The following FGF14 variants were observed in gnomAD, a reference collection of about 807,000 sequenced individuals.
FGF14 encodes the protein fibroblast growth factor 14.
Under a neutral mutation model 25.5 loss-of-function variants are expected in FGF14, and 5 were observed. The observed-to-expected ratio is 0.20, with a 90% CI of 0.10 to 0.41. The LOEUF (loss-of-function observed/expected upper bound fraction) is 0.41. Among genes scored for constraint, FGF14 ranks in the 10% least tolerant of loss-of-function variants. The pLI, the probability that FGF14 is intolerant of heterozygous loss-of-function variation, is 1.00. For synonymous variants in FGF14, 138 were observed against 118.3 expected (o/e 1.17, Z -1.08); for missense variants, 222 against 320.1 (o/e 0.69, Z 2.34).
intron 1 of FGF14, among the ~76,000 whole-genome samples, chr13:102,276,538 T>C (rs1275274486): frequency 6.6e-6 from 1 of 151,862 alleles, no homozygotes; most frequent in East Asian, 1.9e-4. Context: ...TCTGAAAAGA[T>C]TGTTTGTTCA....
intron 3 of FGF14, among the ~76,000 whole-genome samples, chr13:101,806,423 G>GA (rs145519828): frequency 2.1e-3 from 127 of 60,394 alleles, no homozygotes; most frequent in Admixed American, 2.9e-3. Context: ...CGTCTAAGAA[G>GA]AAAAAAAAAA....
intron 1 of FGF14, among the ~76,000 whole-genome samples, chr13:102,051,426 T>C (rs768287016): frequency 1.6e-4 from 25 of 152,068 alleles, no homozygotes; most frequent in Non-Finnish European, 2.9e-4. Flanking sequence ...AGGCCTCAGA[T>C]CCACAGGCAC....
intron 3 of FGF14, among the ~76,000 whole-genome samples, chr13:101,806,754 T>C (rs1021310317): frequency 6.6e-6 from 1 of 152,130 alleles, no homozygotes; most frequent in Non-Finnish European, 1.5e-5. Context: ...GGATTTTTCT[T>C]TCTAACATTA....
intron 3 of FGF14, among the ~76,000 whole-genome samples, chr13:101,740,319 G>A (rs2036465231): frequency 6.6e-6 from 1 of 152,158 alleles, no homozygotes; most frequent in South Asian, 2.1e-4. Flanking sequence ...GCAGGAACAT[G>A]TCACACTCAG....
At chr13:101,987,808 T>C (rs907898174) in intron 1 of FGF14, among the ~76,000 whole-genome samples, 131 of 152,164 alleles carry the variant, frequency 8.6e-4, no homozygotes, top group African/African-American at 2.7e-3. Flanking sequence ...GGAAAATTCA[T>C]AGTAGACATC....
At chr13:101,915,675 C>T (rs1277166017) in intron 1 of FGF14, among the ~76,000 whole-genome samples, 2 of 152,202 alleles carry the variant, frequency 1.3e-5, no homozygotes, top group African/African-American at 4.8e-5. Context: ...AGTAAGGTAA[C>T]TATTCTAGTC....
At chr13:102,165,623 C>T (rs1365663007) in intron 1 of FGF14, among the ~76,000 whole-genome samples, 2 of 116,886 alleles carry the variant, frequency 1.7e-5, no homozygotes, top group East Asian at 2.6e-4. Context: ...AATGAGAACA[C>T]GTGGACACAG....
chr13:102,107,631 G>C (rs1296367204), intron 1 of FGF14, among the ~76,000 whole-genome samples: 1 of 152,232 alleles, frequency 6.6e-6, no homozygotes, highest in African/African-American at 2.4e-5. Flanking sequence ...AAAGAGAGAT[G>C]TAACTGGTCA....
chr13:101,819,591 G>A (rs1457744497), intron 3 of FGF14, among the ~76,000 whole-genome samples: 4 of 152,216 alleles, frequency 2.6e-5, no homozygotes. Context: ...ATTTGAGGAT[G>A]TGAAATTGAA....
At chr13:102,104,523 C>T (rs1277377311) in intron 1 of FGF14, among the ~76,000 whole-genome samples, 2 of 152,156 alleles carry the variant, frequency 1.3e-5, no homozygotes, top group Admixed American at 1.3e-4. Flanking sequence ...TGCCTGTAAT[C>T]CCAAAACCTT....
intron 1 of FGF14, among the ~76,000 whole-genome samples, chr13:101,890,242 T>C (rs1162685800): frequency 3.9e-5 from 6 of 152,184 alleles, no homozygotes; most frequent in Admixed American, 3.9e-4. Context: ...CTGAGGAGGT[T>C]TGGGTGCTTT....
At chr13:101,910,203 C>T (rs1007045777) in intron 1 of FGF14, among the ~76,000 whole-genome samples, 6 of 151,906 alleles carry the variant, frequency 3.9e-5, no homozygotes, top group Non-Finnish European at 7.4e-5. Flanking sequence ...TGTAACAAAC[C>T]TGCGCTTTGT....
At chr13:102,321,758 A>T (rs2056252211) in intron 1 of FGF14, among the ~76,000 whole-genome samples, 1 of 152,248 alleles carries the variant, frequency 6.6e-6, no homozygotes, top group Non-Finnish European at 1.5e-5. Context: ...AGCATTAAGT[A>T]TATGATGACT....
At chr13:101,752,896 A>T (rs2037384797) in intron 3 of FGF14, among the ~76,000 whole-genome samples, 1 of 152,214 alleles carries the variant, frequency 6.6e-6, no homozygotes, top group Non-Finnish European at 1.5e-5. Flanking sequence ...TCTAAAAAAT[A>T]TTATTTATCT....
chr13:101,922,763 T>C (rs1377787315), intron 1 of FGF14, among the ~76,000 whole-genome samples: 2 of 152,038 alleles, frequency 1.3e-5, no homozygotes, highest in Non-Finnish European at 2.9e-5. Flanking sequence ...GATGACTTTG[T>C]GGCATACATT....
At chr13:101,821,016 C>G (rs1194516012) in intron 3 of FGF14, among the ~76,000 whole-genome samples, 2 of 147,374 alleles carry the variant, frequency 1.4e-5, no homozygotes, top group Admixed American at 6.8e-5. Flanking sequence ...GGCATGATCT[C>G]GGCTCACTGC....
In FGF14 at chr13:102,342,136, C is replaced by T. The variant is rs189111248; in HGVS notation, c.208+59335G>A. The stretch of plus-strand genomic sequence containing the variant: ...GCCATTTAGATAAAGCCATAAGTTA[C>T]GAGGGAGTTATGTGTCTCAATCTCT... On this transcript the variant is annotated intron_variant, in intron 1 of 4. Transcript: ENST00000376131. Among the ~76,000 whole-genome samples the T allele has an allele frequency of 2.5e-4, 38 of 152,250 alleles. No individual in the cohort carries two copies. In the East Asian group the frequency reaches 5.0e-3, roughly 20 times the overall value.
intron 1 of FGF14, among the ~76,000 whole-genome samples, chr13:101,905,200 T>C (rs1051899063): frequency 1.3e-5 from 2 of 152,158 alleles, no homozygotes; most frequent in Non-Finnish European, 2.9e-5. Context: ...AGTTTCTGCA[T>C]CATGTTCTCT....
At chr13:101,945,942 G>C (rs1392949272) in intron 1 of FGF14, among the ~76,000 whole-genome samples, 1 of 151,738 alleles carries the variant, frequency 6.6e-6, no homozygotes, top group Non-Finnish European at 1.5e-5. Context: ...GGTCACTAGG[G>C]AATTTATTCT....
Sources: gnomAD v4.1 joint callset for allele counts (sites outside exome capture counted in the v4.1 genomes callset) on GRCh38, gnomAD v4.1.1 for gene constraint, MANE v1.5 for transcripts, NCBI Gene and HGNC (gene_info 2026-07-23, HGNC 2026-07-21) for gene names.